The following TP63 variants were observed in gnomAD, a reference collection of about 807,000 sequenced individuals.
TP63 encodes the protein tumor protein p63.
A neutral mutation model predicts 82.8 loss-of-function variants in TP63; 17 were observed. The ratio of observed to expected loss-of-function variants is 0.21; its 90% CI spans 0.14 to 0.31. The LOEUF is 0.31. Among genes scored for constraint, TP63 ranks in the 10% least tolerant of loss-of-function variants. The probability of loss-of-function intolerance (pLI) is 1.00; values close to 1 mark genes in which losing one functional copy is unlikely to be tolerated. For synonymous variants in TP63, 330 were observed against 321.7 expected (o/e 1.03, Z -0.28); for missense variants, 648 against 895.3 (o/e 0.72, Z 3.52).
chr3:189,819,843 C>G (rs1728613237), intron 4 of TP63, among the ~76,000 whole-genome samples: 1 of 150,744 alleles, frequency 6.6e-6, no homozygotes, highest in Non-Finnish European at 1.5e-5. Flanking sequence ...CCTCCCCCTC[C>G]CAGGTTCAAG....
At chr3:189,708,487 G>T (rs991007786) in intron 1 of TP63, among the ~76,000 whole-genome samples, 3 of 152,180 alleles carry the variant, frequency 2.0e-5, no homozygotes, top group African/African-American at 4.8e-5. Flanking sequence ...CTCTGGAATG[G>T]ATGCATCTAA....
At chr3:189,708,345 A>G (rs996705084) in intron 1 of TP63, among the ~76,000 whole-genome samples, 8 of 152,180 alleles carry the variant, frequency 5.3e-5, no homozygotes, top group East Asian at 1.9e-4. Context: ...AGAAACCACA[A>G]TCTATCTTTG....
intron 1 of TP63, among the ~76,000 whole-genome samples, chr3:189,670,351 A>G (rs1714784915): frequency 6.6e-6 from 1 of 152,104 alleles, no homozygotes; most frequent in Admixed American, 6.6e-5. Context: ...ACAATACATG[A>G]CAACTGCAGA....
chr3:189,816,905 T>G (rs1577023878), intron 4 of TP63, among the ~76,000 whole-genome samples: 1 of 152,224 alleles, frequency 6.6e-6, no homozygotes, highest in East Asian at 1.9e-4. Flanking sequence ...AGACCCTAGA[T>G]CTAATTTATT....
At chr3:189,823,147 G>T (rs182585464) in intron 4 of TP63, among the ~76,000 whole-genome samples, 1 of 152,156 alleles carries the variant, frequency 6.6e-6, no homozygotes. Flanking sequence ...CTCCAGACAG[G>T]CAGTGGACTC....
chr3:189,858,913 G>A (rs1441524644), intron 4 of TP63, among the ~76,000 whole-genome samples: 1 of 152,112 alleles, frequency 6.6e-6, no homozygotes, highest in Non-Finnish European at 1.5e-5. Context: ...ATCTAAAAAT[G>A]TTAATCTCAT....
chr3:189,739,079 G>A lies in TP63; in HGVS notation c.324+305G>A, dbSNP rs1400315171. Among the ~76,000 whole-genome samples, 4 of 152,068 alleles carry A rather than the reference G, an allele frequency of 2.6e-5. No homozygotes were observed. The East Asian group carries it at 5.8e-4, about 22-fold the overall frequency. On this transcript the variant is annotated intron_variant, in intron 3 of 13. Transcript: ENST00000264731. ...GATGGTACCAGCTCAAGGCTTTCTA[G>A]CTGGTAGGGACAGCAAAAGAATCAG...
intron 4 of TP63, among the ~76,000 whole-genome samples, chr3:189,829,025 T>A (rs1172650406): frequency 6.6e-6 from 1 of 152,198 alleles, no homozygotes; most frequent in African/African-American, 2.4e-5. Flanking sequence ...GTGAATAGAA[T>A]TATAAAATCT....
chr3:189,883,336 G>A (rs999821206), intron 10 of TP63, among the ~76,000 whole-genome samples: 8 of 151,970 alleles, frequency 5.3e-5, no homozygotes, highest in South Asian at 2.1e-4. Flanking sequence ...CTTCCCTTCC[G>A]TGTGGCTTTA....
At chr3:189,669,526 G>A (rs1049139304) in intron 1 of TP63, among the ~76,000 whole-genome samples, 12 of 152,016 alleles carry the variant, frequency 7.9e-5, no homozygotes, top group Non-Finnish European at 1.5e-4. Flanking sequence ...ACAACTGTTT[G>A]TATGAAGTAA....
intron 1 of TP63, among the ~76,000 whole-genome samples, chr3:189,694,393 C>A (rs1717181133): frequency 6.6e-6 from 1 of 152,178 alleles, no homozygotes; most frequent in South Asian, 2.1e-4. Flanking sequence ...TTTGCTGTTC[C>A]AAGACCTTAT....
At chr3:189,877,649 A>G (rs1175565453) in intron 10 of TP63, among the ~76,000 whole-genome samples, 1 of 152,158 alleles carries the variant, frequency 6.6e-6, no homozygotes, top group Non-Finnish European at 1.5e-5. Flanking sequence ...TTAGTAACAC[A>G]AGTCAGAGAT....
chr3:189,599,804 C>T, the TP63 span, among the ~76,000 whole-genome samples: 1 of 152,164 alleles, frequency 6.6e-6, no homozygotes, highest in Non-Finnish European at 1.5e-5. Context: ...TTGGATAAAA[C>T]ACTAGATTTG....
intron 3 of TP63, among the ~76,000 whole-genome samples, chr3:189,777,443 C>T (rs998889405): frequency 5.3e-5 from 8 of 152,040 alleles, no homozygotes; most frequent in South Asian, 4.1e-4. Context: ...GTGATCCACC[C>T]GCCTCCGTCT....
intron 1 of TP63, among the ~76,000 whole-genome samples, chr3:189,657,730 G>A (rs1360634957): frequency 6.6e-6 from 1 of 152,078 alleles, no homozygotes; most frequent in Non-Finnish European, 1.5e-5. Context: ...AGACATCAGT[G>A]TGAATTTATT....
At chr3:189,882,194 T>G (rs1719989859) in intron 10 of TP63, among the ~76,000 whole-genome samples, 1 of 152,150 alleles carries the variant, frequency 6.6e-6, no homozygotes. Flanking sequence ...TGTTTCGTTT[T>G]TTGATATTTG....
the TP63 span, among the ~76,000 whole-genome samples, chr3:189,617,807 C>T: frequency 3.3e-5 from 5 of 152,130 alleles, no homozygotes; most frequent in African/African-American, 1.2e-4. Flanking sequence ...ACTCTGGCTG[C>T]CAAGTATGTC....
chr3:189,723,063 T>A (rs1319775109), intron 1 of TP63, among the ~76,000 whole-genome samples: 2 of 152,204 alleles, frequency 1.3e-5, no homozygotes, highest in Non-Finnish European at 2.9e-5. Flanking sequence ...GAACTGGCAT[T>A]TTCCAGATGT....
At chr3:189,836,820 T>C (rs1303833940) in intron 4 of TP63, among the ~76,000 whole-genome samples, 1 of 152,216 alleles carries the variant, frequency 6.6e-6, no homozygotes, top group Admixed American at 6.5e-5. Flanking sequence ...CATGTCACAC[T>C]CTGACCAAAG....
Sources: allele counts gnomAD v4.1 joint callset (sites outside exome capture counted in the v4.1 genomes callset), GRCh38; gene constraint gnomAD v4.1.1; transcripts MANE v1.5; gene names NCBI Gene and HGNC (gene_info 2026-07-23, HGNC 2026-07-21).